PCDH9: variants seen among roughly 807,000 people sequenced by gnomAD.
The protein encoded by PCDH9 is protocadherin-9.
Under a neutral mutation model 70.6 loss-of-function variants are expected in PCDH9, and 24 were observed. The observed-to-expected ratio is 0.34, with a 90% CI of 0.25 to 0.48. The LOEUF (loss-of-function observed/expected upper bound fraction) is 0.48, where lower values mean the gene tolerates loss of function less well. PCDH9 is among the 20% of genes least tolerant of loss of function. The pLI is 0.99. For synonymous variants in PCDH9, 562 were observed against 558.5 expected (o/e 1.01, Z -0.09); for missense variants, 1,281 against 1,503.6 (o/e 0.85, Z 2.45).
intron 4 of PCDH9, chr13:66,306,397 A>C (rs1187550277): frequency 6.6e-6 from 1 of 151,416 alleles, no homozygotes; most frequent in Non-Finnish European, 1.5e-5. Context: ...ACCACAGGCA[A>C]CATCAAAATA....
At chr13:66,913,327 T>C (rs1013132404) in intron 2 of PCDH9, among the ~76,000 whole-genome samples, 1 of 151,996 alleles carries the variant, frequency 6.6e-6, no homozygotes, top group Non-Finnish European at 1.5e-5. Flanking sequence ...AAACAAACCC[T>C]ACACTCTGAA....
chr13:66,889,063 C>T (rs577796170), intron 3 of PCDH9, among the ~76,000 whole-genome samples: 10 of 152,254 alleles, frequency 6.6e-5, no homozygotes, highest in East Asian at 3.9e-4. Flanking sequence ...CCTGCCTGTG[C>T]GGTTGAGATG....
At chr13:66,664,744 A>ACTC (rs2078069346) in intron 3 of PCDH9, among the ~76,000 whole-genome samples, 1 of 151,880 alleles carries the variant, frequency 6.6e-6, no homozygotes, top group Non-Finnish European at 1.5e-5. Context: ...GTATGTGTCC[A>ACTC]CTCTATGCAC....
intron 3 of PCDH9, among the ~76,000 whole-genome samples, chr13:66,817,945 T>C (rs1290983808): frequency 6.6e-6 from 1 of 152,168 alleles, no homozygotes; most frequent in Non-Finnish European, 1.5e-5. Context: ...TATTTTTATA[T>C]AGATAAATAT....
chr13:66,541,237 C>A (rs769295175), intron 4 of PCDH9, among the ~76,000 whole-genome samples: 3 of 152,090 alleles, frequency 2.0e-5, no homozygotes, highest in Non-Finnish European at 4.4e-5. Flanking sequence ...TCTCAGATGG[C>A]ACAAAAGTCA....
chr13:66,510,976 G>T (rs543332836), intron 4 of PCDH9, among the ~76,000 whole-genome samples: 1 of 152,270 alleles, frequency 6.6e-6, no homozygotes, highest in East Asian at 1.9e-4. Flanking sequence ...ATGTTTGGAA[G>T]CCAAGAAATT....
intron 3 of PCDH9, among the ~76,000 whole-genome samples, chr13:66,657,107 G>A (rs1464783312): frequency 3.3e-5 from 5 of 152,102 alleles, no homozygotes; most frequent in Admixed American, 1.3e-4. Flanking sequence ...ATTCATTAGC[G>A]TGGCTCGGGG....
At chr13:66,603,336 T>C (rs1005079164) in intron 4 of PCDH9, among the ~76,000 whole-genome samples, 1 of 151,998 alleles carries the variant, frequency 6.6e-6, no homozygotes, top group Non-Finnish European at 1.5e-5. Context: ...GGTTTTAACA[T>C]TTTTATTTAA....
At chr13:66,953,511 G>T (rs17195202) in intron 2 of PCDH9, among the ~76,000 whole-genome samples, 52,202 of 152,014 alleles carry the variant, frequency 0.34, 10,333 homozygotes, top group Middle Eastern at 0.45. Flanking sequence ...ACAAAAAAAG[G>T]CAAGAATTCT....
At chr13:66,990,751 T>C (rs1053019784) in intron 2 of PCDH9, 2 of 151,382 alleles carry the variant, frequency 1.3e-5, no homozygotes, top group Non-Finnish European at 3.0e-5. Flanking sequence ...ACTGAATTTC[T>C]AGTAATAATA....
intron 4 of PCDH9, among the ~76,000 whole-genome samples, chr13:66,536,779 A>C (rs541602805): frequency 6.6e-6 from 1 of 152,236 alleles, no homozygotes; most frequent in African/African-American, 2.4e-5. Context: ...TCATCACAGA[A>C]TAGGTACCCA....
chr13:66,575,720 A>T (rs2076805132), intron 4 of PCDH9, among the ~76,000 whole-genome samples: 1 of 152,114 alleles, frequency 6.6e-6, no homozygotes, highest in African/African-American at 2.4e-5. Flanking sequence ...CATTTTCAGA[A>T]CCATCTCCCT....
Position 66,908,877 on chromosome 13 carries a change from T to C in PCDH9, c.3037-5272A>G, listed in dbSNP as rs1280086206. Among the ~76,000 whole-genome samples the C allele has an allele frequency of 1.3e-5, 2 of 152,112 alleles. 1 individual carries two copies. Among genetic ancestry groups the C allele is most frequent in the Non-Finnish European group, 2.9e-5 (2 of 68,012 alleles). On this transcript the variant is annotated intron_variant, in intron 2 of 4. Coordinates refer to ENST00000377865, the MANE Select transcript of PCDH9 (RefSeq NM_203487.3). ...CACATATTTTGATTTAAAATGAAAA[T>C]GTCGTATGATAAATTTTAAAACCAA...
intron 4 of PCDH9, among the ~76,000 whole-genome samples, chr13:66,420,743 G>A (rs1957552179): frequency 6.6e-6 from 1 of 152,088 alleles, no homozygotes; most frequent in Non-Finnish European, 1.5e-5. Flanking sequence ...AGCACAAAAA[G>A]CTGAAAATTC....
intron 2 of PCDH9, among the ~76,000 whole-genome samples, chr13:67,014,458 A>T (rs2084517391): frequency 6.6e-6 from 1 of 152,114 alleles, no homozygotes. Context: ...TGTTCCCTCT[A>T]TTATGCTACT....
At chr13:67,127,014 T>C (rs556331258) in intron 2 of PCDH9, among the ~76,000 whole-genome samples, 33 of 152,310 alleles carry the variant, frequency 2.2e-4, no homozygotes, top group Admixed American at 1.8e-3. Context: ...TCAATTGATC[T>C]TTACTATGTC....
intron 4 of PCDH9, among the ~76,000 whole-genome samples, chr13:66,416,929 A>T (rs1433715093): frequency 6.6e-6 from 1 of 152,216 alleles, no homozygotes; most frequent in Non-Finnish European, 1.5e-5. Context: ...CATCCCAAGG[A>T]ATAAAAATGT....
chr13:66,811,779 CTTTTCCT>C (rs2080512372), intron 3 of PCDH9, among the ~76,000 whole-genome samples: 2 of 150,736 alleles, frequency 1.3e-5, no homozygotes, highest in African/African-American at 2.4e-5. Context: ...CTCTCTCTCT[CTTTTCCT>C]TCTCTTTCTC....
intron 2 of PCDH9, chr13:67,220,541 C>T (rs996782479): frequency 6.6e-6 from 1 of 151,716 alleles, no homozygotes; most frequent in Non-Finnish European, 1.5e-5. Flanking sequence ...ATGTTTACAC[C>T]ATAAGAATGT....
Sources: allele counts gnomAD v4.1 joint callset (sites outside exome capture counted in the v4.1 genomes callset), GRCh38; gene constraint gnomAD v4.1.1; transcripts MANE v1.5; gene names NCBI Gene and HGNC (gene_info 2026-07-23, HGNC 2026-07-21).